KANSL1L: variants seen among roughly 807,000 people sequenced by gnomAD.
KANSL1L encodes KAT8 regulatory NSL complex subunit 1-like protein.
A neutral mutation model predicts 108.6 loss-of-function variants in KANSL1L; 25 were observed. The ratio of observed to expected loss-of-function variants is 0.23; its 90% confidence interval spans 0.17 to 0.32. The LOEUF is 0.32. KANSL1L is among the 10% of genes least tolerant of loss of function. The pLI is 1.00. For synonymous variants in KANSL1L, 405 were observed against 395.1 expected, an observed-to-expected ratio of 1.03 and a Z score of -0.30; for missense variants, 1,137 against 1,125.7, an observed-to-expected ratio of 1.01 and a Z score of -0.14.
chr2:210,148,795 T>G (rs1291904126), intron 2 of KANSL1L, among the ~76,000 whole-genome samples: 2 of 152,178 alleles, frequency 1.3e-5, no homozygotes, highest in Non-Finnish European at 2.9e-5. Flanking sequence ...ATGTGAATAC[T>G]TTCCAATTTT....
At chr2:210,113,132 T>C (rs1038074418) in intron 3 of KANSL1L, among the ~76,000 whole-genome samples, 4 of 152,126 alleles carry the variant, frequency 2.6e-5, no homozygotes, top group African/African-American at 9.7e-5. Flanking sequence ...ATTGTTGTAG[T>C]ACCTCCCTCC....
At chr2:210,127,596 C>T (rs992094077) in intron 3 of KANSL1L, among the ~76,000 whole-genome samples, 12 of 151,520 alleles carry the variant, frequency 7.9e-5, no homozygotes, top group East Asian at 1.9e-4. Context: ...TCTAGGAGTT[C>T]GAGACCAGCC....
intron 1 of KANSL1L, among the ~76,000 whole-genome samples, chr2:210,168,665 G>A (rs1051470082): frequency 1.3e-5 from 2 of 152,112 alleles, no homozygotes; most frequent in Admixed American, 6.5e-5. Flanking sequence ...GGATAATGCA[G>A]CAGTTGGGCT....
At chr2:210,155,637 A>G (rs1417806645) in intron 1 of KANSL1L, among the ~76,000 whole-genome samples, 1 of 152,242 alleles carries the variant, frequency 6.6e-6, no homozygotes, top group East Asian at 1.9e-4. Context: ...TCCCATAATT[A>G]AACAAATTTC....
chr2:210,088,561 G>A (rs1454982115), intron 5 of KANSL1L: 6 of 152,442 alleles, frequency 3.9e-5, no homozygotes, highest in Admixed American at 6.5e-5. Context: ...TAGGGAAGAC[G>A]TGCCTTGAAA....
intron 5 of KANSL1L, among the ~76,000 whole-genome samples, chr2:210,092,863 C>CT (rs2125390363): frequency 6.6e-6 from 1 of 152,214 alleles, no homozygotes; most frequent in East Asian, 1.9e-4. Context: ...TTGATGCAAA[C>CT]TTGGATTGAA....
rs1452120408 is a variant in KANSL1L, at chr2:210,142,002, T to A, written c.1088+11493A>T. ...GGACATTGGCCTATAATCTTTTTTTTTTTTTTTCTTATAGTGTCCTTCTCT... is the reference window on the plus strand; with the variant it reads ...GGACATTGGCCTATAATCTTTTTTTATTTTTTTCTTATAGTGTCCTTCTCT... On this transcript the variant is annotated intron_variant, in intron 2 of 14. Coordinates refer to ENST00000281772, the MANE Select transcript of KANSL1L (RefSeq NM_152519.4). 3.9e-5 allele frequency among the ~76,000 whole-genome samples: 6 copies of A among 152,128 alleles called. No individual in the cohort carries two copies. The East Asian group carries it at 7.7e-4, about 20-fold the overall frequency.
intron 6 of KANSL1L, among the ~76,000 whole-genome samples, chr2:210,064,633 A>G (rs968413756): frequency 2.0e-5 from 3 of 151,768 alleles, no homozygotes; most frequent in Non-Finnish European, 4.4e-5. Flanking sequence ...GGCAACATAG[A>G]AAGACCCTGT....
At chr2:210,056,847 CTTCTT>C (rs1247885275) in intron 6 of KANSL1L, among the ~76,000 whole-genome samples, 1 of 152,082 alleles carries the variant, frequency 6.6e-6, no homozygotes, top group Non-Finnish European at 1.5e-5. Context: ...TAGCCTTTTT[CTTCTT>C]TTCTTCATTG....
intron 3 of KANSL1L, 89 bp from the exon 4 acceptor site, chr2:210,104,390 C>T (rs141587557): frequency 2.3e-6 from 2 of 861,946 alleles, no homozygotes; most frequent in African/African-American, 1.7e-5. Flanking sequence ...ATCTATGCTT[C>T]CACTTATCTC....
chr2:210,128,339 TA>T (rs573828496), intron 3 of KANSL1L, among the ~76,000 whole-genome samples: 355 of 152,258 alleles, frequency 2.3e-3, no homozygotes, highest in African/African-American at 8.0e-3. Context: ...TCACAATAGC[TA>T]AAAACTGGAA....
rs189065703 is a variant in KANSL1L at position 210,104,807 on chromosome 2, C to T, written c.1231-506G>A. ...TTCAGAGCACCCTAAGGAGCCCTGC[C>T]CCTGTTGCTGTCAGCCAGCAACCAG... On this transcript the variant is annotated intron_variant, in intron 3 of 14. Transcript: ENST00000281772. 4.6e-3 allele frequency among the ~76,000 whole-genome samples: 696 copies of T among 152,174 alleles called. 1 individual carries two copies. The highest frequency in any genetic ancestry group is 7.8e-3 in the Non-Finnish European group (529 of 68,004).
At chr2:210,150,616 C>CTTTCTTTAGTAATTTTG (rs769871537) in intron 2 of KANSL1L, among the ~76,000 whole-genome samples, 10 of 151,740 alleles carry the variant, frequency 6.6e-5, no homozygotes, top group Non-Finnish European at 1.0e-4. Context: ...AACCCTATCT[C>CTTTCTTTAGTAATTTTG]TACTAAAAAT....
intron 2 of KANSL1L, among the ~76,000 whole-genome samples, chr2:210,145,230 T>C (rs963687712): frequency 3.3e-5 from 5 of 152,194 alleles, no homozygotes; most frequent in African/African-American, 1.2e-4. Flanking sequence ...GCCAGTGGAA[T>C]CCCTCTTGGC....
chr2:210,025,416 C>T (rs1289049381), intron 12 of KANSL1L, among the ~76,000 whole-genome samples, 200 bp from the exon 13 acceptor site: 1 of 152,124 alleles, frequency 6.6e-6, no homozygotes, highest in Non-Finnish European at 1.5e-5. Flanking sequence ...ATTAGCTGGG[C>T]ATGGTGGCAG....
chr2:210,036,693 G>T (rs750695200), intron 8 of KANSL1L, among the ~76,000 whole-genome samples: 25 of 152,150 alleles, frequency 1.6e-4, no homozygotes, highest in Admixed American at 7.9e-4. Flanking sequence ...AGATATATAG[G>T]ATGAAATTTC....
At chr2:210,077,367 G>C (rs1290674392) in intron 5 of KANSL1L, among the ~76,000 whole-genome samples, 1 of 152,148 alleles carries the variant, frequency 6.6e-6, no homozygotes, top group African/African-American at 2.4e-5. Context: ...GAAAGATTTA[G>C]GGTATAATGC....
At chr2:210,024,293 ACTTG>A (rs1268366083) in intron 13 of KANSL1L, 92 bp from the exon 14 acceptor site, 2 of 955,824 alleles carry the variant, frequency 2.1e-6, no homozygotes, top group Admixed American at 6.7e-5. Context: ...AGTCAAGTTA[ACTTG>A]GTAACTTTAA....
Position 210,104,138 on chromosome 2 carries a change from C to G in KANSL1L, c.1394G>C (p.Ser465Thr). Reference sequence around the variant, plus strand: ...GATGTTTCGAAGAAGTAAAGTAGGGCTGCTTGGTGACATTTCAAAATCTTG... The same window carrying G: ...GATGTTTCGAAGAAGTAAAGTAGGGGTGCTTGGTGACATTTCAAAATCTTG... The part of the protein sequence containing the change: ...PEQDFEMSPS[S>T]PTLLLRNIEK... Residue 465 changes from serine (S) to threonine (T), a missense_variant, in exon 4 of 15, where the codon AGC (serine) becomes ACC (threonine). Ser to Thr is a moderately conservative substitution (Grantham distance 58, BLOSUM62 1). Transcript: ENST00000281772. 6.2e-7 allele frequency: 1 copy of G among 1,613,956 alleles called. No homozygotes were observed. Among genetic ancestry groups the G allele is most frequent in the Non-Finnish European group, 8.5e-7 (1 of 1,179,872 alleles).
Sources: allele counts gnomAD v4.1 joint callset (sites outside exome capture counted in the v4.1 genomes callset), GRCh38; gene constraint gnomAD v4.1.1; transcripts MANE v1.5; gene names NCBI Gene and HGNC (gene_info 2026-07-23, HGNC 2026-07-21).